The following ARHGEF4 variants were observed in gnomAD, a reference collection of about 807,000 sequenced individuals.
ARHGEF4 encodes the protein Rho guanine nucleotide exchange factor 4.
A neutral mutation model predicts 162.0 loss-of-function variants in ARHGEF4; 119 were observed. That is an observed-to-expected ratio of 0.73 (90% CI 0.63 to 0.86). The LOEUF (loss-of-function observed/expected upper bound fraction) is 0.86, where lower values mean the gene tolerates loss of function less well. Ranked by LOEUF, ARHGEF4 falls within the 40% of genes least tolerant of loss-of-function variation. The probability of loss-of-function intolerance (pLI) is 0.00; values close to 1 mark genes in which losing one functional copy is unlikely to be tolerated. For missense variants in ARHGEF4, 2,488 were observed against 2,456.0 expected, an observed-to-expected ratio of 1.01 and a Z score of -0.28; for synonymous variants, 1,014 against 979.9, an observed-to-expected ratio of 1.03 and a Z score of -0.65.
At chr2:130,913,900 C>A in intron 1 of ARHGEF4, 86 bp from the exon 2 acceptor site, 1 of 1,480,166 alleles carries the variant, frequency 6.8e-7, no homozygotes, top group Non-Finnish European at 9.0e-7. Context: ...GAGCCTTCCT[C>A]CTTCTGGCAA....
chr2:130,875,143 C>T (rs577463802), intron 1 of ARHGEF4, among the ~76,000 whole-genome samples: 1 of 152,234 alleles, frequency 6.6e-6, no homozygotes, highest in East Asian at 1.9e-4. Context: ...TTCTTTTTCT[C>T]TCATGAGCTC....
At chr2:130,955,163 G>C (rs771500558) in intron 4 of ARHGEF4, among the ~76,000 whole-genome samples, 3 of 152,086 alleles carry the variant, frequency 2.0e-5, no homozygotes, top group Admixed American at 2.0e-4. Flanking sequence ...GATATTCTCT[G>C]TTTGGTGAGA....
At chr2:131,011,094 C>T (rs1204241809) in intron 4 of ARHGEF4, among the ~76,000 whole-genome samples, 1 of 152,226 alleles carries the variant, frequency 6.6e-6, no homozygotes, top group Non-Finnish European at 1.5e-5. Context: ...CCTTTCCACA[C>T]TGCAGAATTT....
intron 4 of ARHGEF4, among the ~76,000 whole-genome samples, chr2:131,002,946 G>A (rs1395874923): frequency 2.6e-5 from 4 of 152,136 alleles, no homozygotes; most frequent in Non-Finnish European, 5.9e-5. Context: ...CTGTTTTAAT[G>A]AATAAACAGG....
intron 4 of ARHGEF4, among the ~76,000 whole-genome samples, chr2:130,983,905 T>A (rs1442767487): frequency 6.6e-6 from 1 of 152,176 alleles, no homozygotes; most frequent in Non-Finnish European, 1.5e-5. Flanking sequence ...CGCTTCGGCC[T>A]CCCAAAGTGC....
At chr2:130,876,552 C>T (rs1002512672) in intron 1 of ARHGEF4, among the ~76,000 whole-genome samples, 13 of 152,192 alleles carry the variant, frequency 8.5e-5, no homozygotes, top group African/African-American at 2.4e-4. Flanking sequence ...CCAACATACT[C>T]GGCTAATTTT....
intron 4 of ARHGEF4, chr2:130,964,083 G>C (rs1207565581): frequency 1.3e-6 from 1 of 799,816 alleles, no homozygotes; most frequent in Non-Finnish European, 1.5e-6. Flanking sequence ...CAAGCGGGCA[G>C]ACGAGTGGCG....
At chr2:130,930,764 G>T (rs1252237616) in intron 2 of ARHGEF4, among the ~76,000 whole-genome samples, 188 bp from the exon 3 acceptor site, 1 of 152,152 alleles carries the variant, frequency 6.6e-6, no homozygotes, top group African/African-American at 2.4e-5. Context: ...GACAAGATTT[G>T]TTTTGTTCCT....
At chr2:130,929,179 C>G (rs1227342099) in intron 2 of ARHGEF4, among the ~76,000 whole-genome samples, 1 of 152,164 alleles carries the variant, frequency 6.6e-6, no homozygotes, top group Non-Finnish European at 1.5e-5. Flanking sequence ...CCACAAGGTA[C>G]TTGGGGAGAA....
At chr2:130,852,744 G>A (rs776110530) in intron 1 of ARHGEF4, among the ~76,000 whole-genome samples, 18 of 152,328 alleles carry the variant, frequency 1.2e-4, no homozygotes, top group Non-Finnish European at 2.2e-4. Flanking sequence ...CGCCTCCTGC[G>A]GGCGGTGGAG....
intron 4 of ARHGEF4, among the ~76,000 whole-genome samples, chr2:131,004,645 G>A (rs540732439): frequency 9.2e-5 from 14 of 152,038 alleles, no homozygotes; most frequent in Admixed American, 4.6e-4. Flanking sequence ...GGCCGTGAGC[G>A]CCTGCCATCC....
chr2:130,865,632 T>C (rs923535932), intron 1 of ARHGEF4, among the ~76,000 whole-genome samples: 3 of 152,238 alleles, frequency 2.0e-5, no homozygotes, highest in Admixed American at 2.0e-4. Flanking sequence ...CTGCTGATCT[T>C]TCTCTTTTCT....
intron 2 of ARHGEF4, among the ~76,000 whole-genome samples, chr2:130,926,810 AT>A (rs55904944): frequency 0.021 from 1,013 of 48,696 alleles, 9 homozygotes; most frequent in African/African-American, 0.067. Flanking sequence ...CTTCTGGCTG[AT>A]TTTTTTTTTT....
At position 130,916,024 on chromosome 2, in the gene ARHGEF4, CAGCCCCCATACAGGG is replaced by C. The variant is rs1229720915; in HGVS notation, c.2082_2096del (p.Pro695_Ala699del). ...GCCGGTAATGAGTGTGAGTTGCCAG[CAGCCCCCATACAGGG>C]AGCTGGCGATGGGGCTCTTCAGCGG... On this transcript the variant is annotated inframe_deletion, in exon 2 of 14. Coordinates refer to ENST00000409359, the MANE Select transcript of ARHGEF4 (RefSeq NM_001367493.1). 1.3e-6 allele frequency: 2 copies of C among 1,550,304 alleles called. No homozygotes were observed. The highest frequency in any genetic ancestry group is 1.7e-6 in the Non-Finnish European group (2 of 1,146,944).
At chr2:130,864,529 A>G (rs1305045766) in intron 1 of ARHGEF4, among the ~76,000 whole-genome samples, 1 of 152,206 alleles carries the variant, frequency 6.6e-6, no homozygotes, top group Non-Finnish European at 1.5e-5. Context: ...GTTCAAGACC[A>G]ACCTGGCCAA....
At chr2:131,032,160 C>T (rs1355340807) in intron 5 of ARHGEF4, among the ~76,000 whole-genome samples, 2 of 151,966 alleles carry the variant, frequency 1.3e-5, no homozygotes, top group Admixed American at 6.5e-5. Context: ...AGGATGAGCA[C>T]GAGGTGTCTG....
At chr2:130,890,655 G>A (rs1043923990) in intron 1 of ARHGEF4, among the ~76,000 whole-genome samples, 1 of 151,556 alleles carries the variant, frequency 6.6e-6, no homozygotes, top group East Asian at 1.9e-4. Context: ...TTTCTCTTTG[G>A]CTGTGTCTGA....
intron 4 of ARHGEF4, among the ~76,000 whole-genome samples, chr2:130,972,613 A>G (rs1039370018): frequency 3.9e-5 from 6 of 152,208 alleles, no homozygotes; most frequent in African/African-American, 1.4e-4. Flanking sequence ...CCCTTTCCAA[A>G]GAAGAGACAG....
chr2:130,879,128 A>G (rs866654052), intron 1 of ARHGEF4, among the ~76,000 whole-genome samples: 2 of 152,308 alleles, frequency 1.3e-5, no homozygotes, highest in Middle Eastern at 6.8e-3. Context: ...TCCAGGAGGG[A>G]GGGAGTGAGA....
Sources: gnomAD v4.1 joint callset for allele counts (sites outside exome capture counted in the v4.1 genomes callset) on GRCh38, gnomAD v4.1.1 for gene constraint, MANE v1.5 for transcripts, NCBI Gene and HGNC (gene_info 2026-07-23, HGNC 2026-07-21) for gene names.